KMT2C: variants seen among roughly 807,000 people sequenced by gnomAD.
KMT2C encodes histone-lysine N-methyltransferase 2C.
Under a neutral mutation model 507.9 loss-of-function variants are expected in KMT2C, and 88 were observed. That is an observed-to-expected ratio of 0.17 (90% confidence interval 0.15 to 0.21). KMT2C has a LOEUF of 0.21. Among genes scored for constraint, KMT2C ranks in the 10% least tolerant of loss-of-function variants. KMT2C has a pLI of 1.00. For missense variants in KMT2C, 4,954 were observed against 5,957.8 expected, an observed-to-expected ratio of 0.83 and a Z score of 5.55; for synonymous variants, 2,049 against 2,080.8, an observed-to-expected ratio of 0.98 and a Z score of 0.42.
chr7:152,191,498 T>C lies in KMT2C; in HGVS notation c.4660+2511A>G, dbSNP rs544797752. ...TCCTTTCAATCAGCACGGAAGTATC[T>C]TTACATGGAACCTACTTTTTAACTT... is the stretch of plus-strand genomic sequence containing the variant. On this transcript the variant is annotated intron_variant, in intron 31 of 58. Transcript: ENST00000262189. Among the ~76,000 whole-genome samples, 6 of 152,240 alleles carry C rather than the reference T, an allele frequency of 3.9e-5. No individual in the cohort carries two copies. In the South Asian group the frequency reaches 1.2e-3, roughly 31 times the overall value.
At chr7:152,258,945 G>GACAACA (rs1027986947) in intron 9 of KMT2C, among the ~76,000 whole-genome samples, 6 of 152,240 alleles carry the variant, frequency 3.9e-5, no homozygotes, top group African/African-American at 1.4e-4. Flanking sequence ...AAAGAAATTG[G>GACAACA]ACAACAGCCT....
intron 40 of KMT2C, among the ~76,000 whole-genome samples, chr7:152,170,175 G>A (rs986250919): frequency 2.9e-4 from 44 of 152,280 alleles, no homozygotes; most frequent in African/African-American, 1.0e-3. Flanking sequence ...TAAATTCATA[G>A]TGGAACTATA....
In KMT2C at chr7:152,275,908, C is replaced by T. The variant is rs1025862900; in HGVS notation, c.850-2041G>A. Among the ~76,000 whole-genome samples, 4 of 152,262 alleles carry T rather than the reference C, an allele frequency of 2.6e-5. No individual in the cohort carries two copies. In the East Asian group the frequency reaches 5.8e-4, roughly 22 times the overall value. On this transcript the variant is annotated intron_variant, in intron 6 of 58. Transcript: ENST00000262189. ...AGAAGCCTTTTACACTAAAAATAAT[C>T]TTGGCAGATAAAATATAATGAGAGG... is the stretch of plus-strand genomic sequence containing the variant.
intron 40 of KMT2C, 125 bp downstream of exon 40, chr7:152,171,139 A>G: frequency 1.9e-6 from 1 of 517,118 alleles, no homozygotes; most frequent in Non-Finnish European, 3.3e-6. Context: ...GCATATGGTG[A>G]AATCCGCATT....
rs1315760997 is a variant in KMT2C, at chr7:152,358,690, A to T, written c.162-15T>A. 2 of 1,524,810 alleles carry T rather than the reference A, an allele frequency of 1.3e-6. No homozygotes were observed. Among genetic ancestry groups the T allele is most frequent in the Non-Finnish European group, 1.8e-6 (2 of 1,110,276 alleles). 94.5% of individuals were successfully genotyped at this position (1,524,810 alleles called of 1,614,324 possible). On this transcript the variant is annotated splice_polypyrimidine_tract_variant and intron_variant, in intron 1 of 58. Coordinates refer to ENST00000262189, the MANE Select transcript of KMT2C (RefSeq NM_170606.3). Reference sequence around the variant, plus strand: ...TACTTCGAGGTCTACAGAAAAAAAAAAAAATAATAAGTACATAGAGTTAAA... The same window carrying T: ...TACTTCGAGGTCTACAGAAAAAAAATAAAATAATAAGTACATAGAGTTAAA...
At chr7:152,258,213 T>TTA (rs766675387) in intron 9 of KMT2C, among the ~76,000 whole-genome samples, 1 of 152,078 alleles carries the variant, frequency 6.6e-6, no homozygotes, top group Non-Finnish European at 1.5e-5. Flanking sequence ...AGTGTTCAAG[T>TTA]AAGTGGTGAG....
intron 28 of KMT2C, 116 bp from the exon 29 acceptor site, chr7:152,194,684 GT>G: frequency 1.5e-6 from 1 of 688,700 alleles, no homozygotes; most frequent in Non-Finnish European, 2.2e-6. Flanking sequence ...GAGAAATAAA[GT>G]CTGTAATTCT....
chr7:152,430,332 G>A (rs1423081420), intron 1 of KMT2C, among the ~76,000 whole-genome samples: 2 of 151,594 alleles, frequency 1.3e-5, no homozygotes, highest in African/African-American at 4.9e-5. Flanking sequence ...TCAGCTTTCT[G>A]AAATTAAAAG....
At chr7:152,150,095 G>A (rs1199254678) in intron 51 of KMT2C, among the ~76,000 whole-genome samples, 2 of 152,158 alleles carry the variant, frequency 1.3e-5, no homozygotes, top group Admixed American at 1.3e-4. Flanking sequence ...AGGAATGACT[G>A]GCAGTATTAC....
At chr7:152,333,846 T>G (rs1211155060) in intron 2 of KMT2C, among the ~76,000 whole-genome samples, 1 of 152,184 alleles carries the variant, frequency 6.6e-6, no homozygotes, top group Non-Finnish European at 1.5e-5. Flanking sequence ...CTTTTCTTTT[T>G]TAAAAAATTG....
In KMT2C at chr7:152,180,858, G is replaced by A. The variant is rs2129119250; in HGVS notation, c.7002C>T (p.Phe2334=). ...DQPRPGSEGS[F]CASSNSPMHS... is the part of the protein sequence containing the mutation. ...GCATTGGAGAGTTTGAAGATGCACA[G>A]AAGCTCCCCTCTGATCCAGGCCTTG... The change falls in exon 36 of 59, where the codon TTC becomes TTT. Residue 2334 remains phenylalanine, a synonymous_variant. Transcript: ENST00000262189. 1 of 1,614,192 alleles carries A rather than the reference G, an allele frequency of 6.2e-7. No individual in the cohort carries two copies. The highest frequency in any genetic ancestry group is 8.5e-7 in the Non-Finnish European group (1 of 1,180,022).
Position 152,182,190 on chromosome 7 carries a change from T to G in KMT2C, c.5670A>C (p.Arg1890=). The change falls in exon 36 of 59, where the codon CGA becomes CGC. Residue 1890 remains arginine (R), a synonymous_variant. Transcript: ENST00000262189. ...CATATGGATCCATTGGAGATGGTGG[T>G]CGTGAGTTAGAGGACCCAGGTGAAA... The part of the protein sequence containing the change: ...QVFSPGSSNS[R]PPSPMDPYAK... 6.2e-7 allele frequency: 1 copy of G among 1,613,982 alleles called. No individual in the cohort carries two copies. Among genetic ancestry groups the G allele is most frequent in the East Asian group, 2.2e-5 (1 of 44,872 alleles).
chr7:152,265,603 C>A (rs1004173856), intron 7 of KMT2C, among the ~76,000 whole-genome samples: 5 of 152,060 alleles, frequency 3.3e-5, no homozygotes, highest in African/African-American at 1.2e-4. Context: ...TAAACATTTT[C>A]TTTGAATGTT....
chr7:152,317,565 G>T (rs1010974613), intron 3 of KMT2C, among the ~76,000 whole-genome samples: 2 of 152,208 alleles, frequency 1.3e-5, no homozygotes, highest in East Asian at 3.8e-4. Context: ...TACCAGCAGG[G>T]TGATAAGAAC....
Position 152,187,762 on chromosome 7 carries a change from T to C in KMT2C, c.4746A>G (p.Gly1582=), listed in dbSNP as rs777358168. The change falls in exon 32 of 59, where the codon GGA becomes GGG. Residue 1582 remains glycine (G), a synonymous_variant. Transcript: ENST00000262189. ...GTGCAATTGCAGAGAAAGTTCCCAGTCCGCTTCCAGGTGGCAAAGAATTAT... is the reference window on the plus strand; with the variant it reads ...GTGCAATTGCAGAGAAAGTTCCCAGCCCGCTTCCAGGTGGCAAAGAATTAT... ...LPHNSLPPGS[G]LGTFSAIAQS... is the part of the protein sequence containing the mutation. The C allele has an allele frequency of 2.5e-6, 4 of 1,613,968 alleles. No individual in the cohort carries two copies. In the African/African-American group the frequency reaches 5.3e-5, roughly 22 times the overall value.
chr7:152,187,974 TGAATGTG>T, intron 31 of KMT2C, 127 bp from the exon 32 acceptor site: 1 of 860,940 alleles, frequency 1.2e-6, no homozygotes, highest in Non-Finnish European at 1.8e-6. Context: ...TTTTTTCAAC[TGAATGTG>T]GATAGAAAAC....
chr7:152,250,101 A>G, intron 12 of KMT2C, 148 bp from the exon 13 acceptor site: 1 of 516,856 alleles, frequency 1.9e-6, no homozygotes, highest in Non-Finnish European at 3.4e-6. Flanking sequence ...TTAGTAAGTT[A>G]TGAAGACAAA....
At chr7:152,240,434 C>G (rs1307815269) in intron 14 of KMT2C, among the ~76,000 whole-genome samples, 2 of 152,266 alleles carry the variant, frequency 1.3e-5, no homozygotes, top group Non-Finnish European at 2.9e-5. Flanking sequence ...ACTTCCAAAG[C>G]CCTGGAGTTT....
At chr7:152,262,939 G>T in intron 9 of KMT2C, 77 bp downstream of exon 9, 1 of 1,022,864 alleles carries the variant, frequency 9.8e-7, no homozygotes, top group Non-Finnish European at 1.5e-6. Context: ...GTACAGATTT[G>T]AATAGGTATC....
Sources: gnomAD v4.1 joint callset for allele counts (sites outside exome capture counted in the v4.1 genomes callset) on GRCh38, gnomAD v4.1.1 for gene constraint, MANE v1.5 for transcripts, NCBI Gene and HGNC (gene_info 2026-07-23, HGNC 2026-07-21) for gene names.